Variants in RALGPS1 observed in about 807,000 individuals in gnomAD.
The protein encoded by RALGPS1 is Ral GEF with PH domain and SH3 binding motif 1, also known as ras-specific guanine nucleotide-releasing factor RalGPS1.
RALGPS1 carries 19 observed loss-of-function variants against 78.8 expected under a neutral mutation model. That is an observed-to-expected ratio of 0.24 (90% CI 0.17 to 0.35). The LOEUF is 0.35. Among genes scored for constraint, RALGPS1 ranks in the 10% least tolerant of loss-of-function variants. RALGPS1 has a pLI of 1.00. For missense variants in RALGPS1, 454 were observed against 688.3 expected (o/e 0.66, Z 3.81); for synonymous variants, 228 against 256.3 (o/e 0.89, Z 1.06).
intron 8 of RALGPS1, among the ~76,000 whole-genome samples, chr9:127,071,670 C>T (rs750274354): frequency 4.2e-4 from 64 of 151,922 alleles, no homozygotes; most frequent in Non-Finnish European, 6.8e-4. Context: ...TTGCATCCTA[C>T]GTGTTTTGGT....
intron 8 of RALGPS1, 105 bp from the exon 9 acceptor site, chr9:127,165,964 A>G (rs1021058438): frequency 1.4e-6 from 2 of 1,413,102 alleles, no homozygotes; most frequent in African/African-American, 1.4e-5. Context: ...TCAGTTTTCC[A>G]TAAGTCACCC....
chr9:127,099,770 C>G (rs1428094388), intron 8 of RALGPS1, among the ~76,000 whole-genome samples: 1 of 152,218 alleles, frequency 6.6e-6, no homozygotes, highest in Non-Finnish European at 1.5e-5. Flanking sequence ...TTGTATGGTC[C>G]CAAAGGCATT....
At chr9:127,062,128 C>T (rs562749717) in intron 7 of RALGPS1, among the ~76,000 whole-genome samples, 3 of 152,102 alleles carry the variant, frequency 2.0e-5, no homozygotes, top group East Asian at 1.9e-4. Context: ...GACGGAGTCT[C>T]GCTCTGTCAC....
intron 4 of RALGPS1, among the ~76,000 whole-genome samples, chr9:127,010,632 C>A (rs11789865): frequency 1.3e-5 from 2 of 152,036 alleles, no homozygotes; most frequent in Non-Finnish European, 2.9e-5. Flanking sequence ...CAGTGCCTTT[C>A]GTGTTCATAT....
chr9:127,044,234 A>T (rs1436143671), intron 5 of RALGPS1, among the ~76,000 whole-genome samples: 1 of 152,170 alleles, frequency 6.6e-6, no homozygotes, highest in African/African-American at 2.4e-5. Context: ...CTATCAAGTC[A>T]TATAAAGACA....
intron 8 of RALGPS1, chr9:127,107,785 C>A: frequency 1.1e-6 from 1 of 935,314 alleles, no homozygotes; most frequent in South Asian, 2.2e-5. Flanking sequence ...CAAGGGATTG[C>A]TGGGGGATTG....
chr9:126,962,361 A>G lies in RALGPS1; in HGVS notation c.57+15A>G. On this transcript the variant is annotated intron_variant, in intron 2 of 18. Coordinates refer to ENST00000259351, the MANE Select transcript of RALGPS1 (RefSeq NM_014636.3). The stretch of plus-strand genomic sequence containing the variant: ...CCACTCCACAGGTACTGAGGCTGCA[A>G]GAATCGGGACAGTGGGTAGAGGGGT... 2 of 1,613,804 alleles carry G rather than the reference A, an allele frequency of 1.2e-6. No individual in the cohort carries two copies. The highest frequency in any genetic ancestry group is 1.7e-6 in the Non-Finnish European group (2 of 1,179,770).
At chr9:127,154,026 C>A (rs1356440000) in intron 8 of RALGPS1, among the ~76,000 whole-genome samples, 1 of 152,190 alleles carries the variant, frequency 6.6e-6, no homozygotes, top group Non-Finnish European at 1.5e-5. Flanking sequence ...CTGAAGCTGA[C>A]CCCAGCCAGT....
intron 1 of RALGPS1, among the ~76,000 whole-genome samples, chr9:126,932,955 T>G (rs1324417612): frequency 1.3e-5 from 2 of 151,940 alleles, no homozygotes; most frequent in Admixed American, 6.6e-5. Flanking sequence ...GTGAGCTTCA[T>G]GCTATTCAGT....
chr9:127,060,107 C>A (rs1032707260), intron 7 of RALGPS1, among the ~76,000 whole-genome samples: 17 of 152,108 alleles, frequency 1.1e-4, no homozygotes, highest in African/African-American at 3.9e-4. Flanking sequence ...GTAATGCCTG[C>A]ACAGAGAGGA....
chr9:127,066,636 G>T (rs189863791), intron 7 of RALGPS1, among the ~76,000 whole-genome samples: 1 of 152,218 alleles, frequency 6.6e-6, no homozygotes, highest in Non-Finnish European at 1.5e-5. Context: ...GTGAGACTCC[G>T]TCTCCACAAA....
rs188642356 is a variant in RALGPS1, at chr9:127,069,303, G to A, written c.557G>A (p.Arg186Gln). 221 of 1,613,824 alleles carry A rather than the reference G, an allele frequency of 1.4e-4. No homozygotes were observed. Among genetic ancestry groups the A allele is most frequent in the Non-Finnish European group, 1.1e-4 (135 of 1,179,738 alleles). Residue 186 changes from arginine (R) to glutamine (Q), a missense_variant, in exon 8 of 19, where the codon CGG becomes CAG. Arg to Gln is a conservative substitution (Grantham distance 43). Transcript: ENST00000259351. ...YLMSKEDNYKRTREYIRSLKM... is the reference protein window; with the variant it reads ...YLMSKEDNYKQTREYIRSLKM... ...ATGTCGAAAGAAGATAATTACAAGC[G>A]GACACGGGAATATATCCGAAGCCTG... is the stretch of plus-strand genomic sequence containing the variant.
chr9:127,009,151 G>A (rs2044126206), intron 4 of RALGPS1, among the ~76,000 whole-genome samples: 1 of 152,190 alleles, frequency 6.6e-6, no homozygotes. Context: ...AGACTTCATT[G>A]AAAGGAAAAT....
At chr9:127,117,710 C>G (rs1191370200) in intron 8 of RALGPS1, among the ~76,000 whole-genome samples, 3 of 152,218 alleles carry the variant, frequency 2.0e-5, no homozygotes, top group Non-Finnish European at 4.4e-5. Flanking sequence ...TTCATTGATT[C>G]ATTCATTCCA....
At chr9:127,011,842 C>T (rs1459597160) in intron 4 of RALGPS1, among the ~76,000 whole-genome samples, 1 of 152,218 alleles carries the variant, frequency 6.6e-6, no homozygotes, top group Non-Finnish European at 1.5e-5. Flanking sequence ...CAGAGTGGTC[C>T]TGGCAGCCCC....
At chr9:127,034,920 C>A (rs1641841881) in intron 5 of RALGPS1, among the ~76,000 whole-genome samples, 1 of 152,234 alleles carries the variant, frequency 6.6e-6, no homozygotes, top group East Asian at 1.9e-4. Context: ...GTCTTCACAG[C>A]CCAGAATCCT....
chr9:126,953,198 C>T (rs921813069), intron 1 of RALGPS1, among the ~76,000 whole-genome samples: 1 of 152,264 alleles, frequency 6.6e-6, no homozygotes, highest in East Asian at 1.9e-4. Flanking sequence ...TCCCCCCACA[C>T]AAGACCAGAT....
intron 11 of RALGPS1, among the ~76,000 whole-genome samples, chr9:127,191,371 A>G (rs1008171902): frequency 6.6e-6 from 1 of 151,994 alleles, no homozygotes; most frequent in Non-Finnish European, 1.5e-5. Context: ...ACATTAATCC[A>G]CTTGCTTAAC....
At chr9:126,945,988 G>A (rs1056745328) in intron 1 of RALGPS1, among the ~76,000 whole-genome samples, 1 of 152,172 alleles carries the variant, frequency 6.6e-6, no homozygotes, top group Non-Finnish European at 1.5e-5. Context: ...TTATGACTTA[G>A]CTTTTGCAAT....
Sources: gnomAD v4.1 joint callset for allele counts (sites outside exome capture counted in the v4.1 genomes callset) on GRCh38, gnomAD v4.1.1 for gene constraint, MANE v1.5 for transcripts, NCBI Gene and HGNC (gene_info 2026-07-23, HGNC 2026-07-21) for gene names.